WDR64: variants seen among roughly 807,000 people sequenced by gnomAD.
The protein encoded by WDR64 is WD repeat domain 64, also known as WD repeat-containing protein 64.
WDR64 carries 112 observed loss-of-function variants against 139.3 expected under a neutral mutation model. The observed-to-expected ratio is 0.80, with a 90% CI of 0.69 to 0.94. WDR64 has a LOEUF of 0.94. WDR64 is among the 40% of genes least tolerant of loss of function. WDR64 has a pLI of 0.00. For synonymous variants in WDR64, 444 were observed against 437.7 expected, an observed-to-expected ratio of 1.01 and a Z score of -0.18; for missense variants, 1,206 against 1,293.1, an observed-to-expected ratio of 0.93 and a Z score of 1.03.
At chr1:241,747,007 C>T (rs1014151780) in intron 13 of WDR64, among the ~76,000 whole-genome samples, 4 of 152,128 alleles carry the variant, frequency 2.6e-5, no homozygotes, top group Non-Finnish European at 4.4e-5. Flanking sequence ...ATGATCTGCC[C>T]GCTTTGGCAT....
At chr1:241,783,242 C>T (rs550316879) in intron 22 of WDR64, 30 bp from the exon 23 acceptor site, 95 of 1,574,862 alleles carry the variant, frequency 6.0e-5, no homozygotes, top group Non-Finnish European at 7.7e-5. Context: ...ATAGTTATTC[C>T]GAGGAATATG....
intron 19 of WDR64, 148 bp downstream of exon 19, chr1:241,771,845 A>G: frequency 3.2e-6 from 1 of 309,634 alleles, no homozygotes; most frequent in Non-Finnish European, 5.5e-6. Flanking sequence ...TATATTCATT[A>G]TATACGTATA....
At chr1:241,731,494 T>G (rs972614744) in intron 10 of WDR64, among the ~76,000 whole-genome samples, 8 of 152,204 alleles carry the variant, frequency 5.3e-5, no homozygotes, top group Admixed American at 3.9e-4. Flanking sequence ...GTGTGATAAC[T>G]AAGGCTCAGA....
At chr1:241,761,851 C>T (rs1031587854) in intron 15 of WDR64, among the ~76,000 whole-genome samples, 4 of 152,152 alleles carry the variant, frequency 2.6e-5, no homozygotes, top group Non-Finnish European at 5.9e-5. Flanking sequence ...CAAGTTTTAT[C>T]GTGAGATTGC....
At chr1:241,746,677 T>C (rs1209526442) in intron 13 of WDR64, among the ~76,000 whole-genome samples, 1 of 152,066 alleles carries the variant, frequency 6.6e-6, no homozygotes, top group Non-Finnish European at 1.5e-5. Context: ...AAGCTAGTTA[T>C]ATTTGCATCA....
At chr1:241,734,597 T>A (rs10926556) in intron 10 of WDR64, among the ~76,000 whole-genome samples, 23,988 of 152,048 alleles carry the variant, frequency 0.16, 2,213 homozygotes, top group East Asian at 0.29. Context: ...ACAGAGAATA[T>A]GACCAAAAAC....
chr1:241,729,642 C>T (rs1278959398), intron 10 of WDR64, among the ~76,000 whole-genome samples: 2 of 152,182 alleles, frequency 1.3e-5, no homozygotes, highest in Non-Finnish European at 2.9e-5. Flanking sequence ...AATATCATGT[C>T]ATGCCCAAAG....
rs1363994892 is a variant in WDR64 at position 241,674,932 on chromosome 1, C to CCTTTT, written c.483+187_483+188insTTTCT. ...TTATTCCTTCCTTCCTTCTTTCCTTCCTCCCTCCCTCCTTCCTTCCTCTCT... is the reference window on the plus strand; with the variant it reads ...TTATTCCTTCCTTCCTTCTTTCCTTCCTTTTCTCCCTCCCTCCTTCCTTCCTCTCT... On this transcript the variant is annotated intron_variant, in intron 4 of 27. Transcript: ENST00000437684. Among the ~76,000 whole-genome samples the CCTTTT allele has an allele frequency of 9.2e-5, 5 of 54,452 alleles. 2 individuals are homozygous for CCTTTT. The highest frequency in any genetic ancestry group is 1.3e-4 in the Non-Finnish European group (3 of 23,162). 35.7% of individuals were successfully genotyped at this position (54,452 alleles called of 152,430 possible).
At chr1:241,754,320 C>CTTTTTTTTTTTTTTTTT (rs71174845) in intron 14 of WDR64, among the ~76,000 whole-genome samples, 2 of 81,846 alleles carry the variant, frequency 2.4e-5, no homozygotes, top group Non-Finnish European at 4.7e-5. Flanking sequence ...TTTTCTTTTT[C>CTTTTTTTTTTTTTTTTT]TTTTTTTTTT....
At position 241,674,658 on chromosome 1, in the gene WDR64, G is replaced by A; in HGVS notation, c.394G>A (p.Asp132Asn). Residue 132 changes from aspartate to asparagine, a missense_variant, in exon 4 of 28, where the codon GAT becomes AAT. Asp to Asn is a conservative substitution (Grantham distance 23). Transcript: ENST00000437684. ...RILISGSRRR[D>N]VIKSIVKIPH... ...GCTGTTGACAGGTAGTAGAAGACGA[G>A]ATGTGATTAAGAGCATTGTCAAGAT... 6.5e-7 allele frequency: 1 copy of A among 1,547,922 alleles called. No homozygotes were observed. Among genetic ancestry groups the A allele is most frequent in the Non-Finnish European group, 8.7e-7 (1 of 1,144,368 alleles).
chr1:241,729,323 T>C (rs759293110), intron 10 of WDR64, among the ~76,000 whole-genome samples: 11 of 152,178 alleles, frequency 7.2e-5, no homozygotes, highest in Admixed American at 3.9e-4. Flanking sequence ...TTCAGTTTCT[T>C]CTCTCCCCAA....
intron 23 of WDR64, among the ~76,000 whole-genome samples, 155 bp downstream of exon 23, chr1:241,783,536 A>G (rs899454209): frequency 3.9e-5 from 6 of 152,220 alleles, no homozygotes; most frequent in African/African-American, 1.2e-4. Context: ...CTTTGAAAAG[A>G]TGGCCACTGA....
chr1:241,784,976 A>AAG (rs138513526), intron 23 of WDR64, among the ~76,000 whole-genome samples: 1,473 of 98,246 alleles, frequency 0.015, 136 homozygotes, highest in African/African-American at 0.026. Flanking sequence ...AAAAAAAAAA[A>AAG]GAAAGGACAT....
At chr1:241,756,635 A>T (rs1268494058) in intron 14 of WDR64, among the ~76,000 whole-genome samples, 1 of 152,208 alleles carries the variant, frequency 6.6e-6, no homozygotes, top group African/African-American at 2.4e-5. Context: ...AAGAAAGGGA[A>T]ACTCTCCTCT....
In WDR64 at chr1:241,675,013, CTTTCTTCTTCCT is replaced by C. The variant is rs1558465851; in HGVS notation, c.483+268_483+279del. ...CCTTTCTCCCTCCCTCTCTTCCTTC[CTTTCTTCTTCCT>C]TCCCTCCCTCCTTCTTCTTTCCTTC... On this transcript the variant is annotated intron_variant, in intron 4 of 27. Coordinates refer to ENST00000437684, the MANE Select transcript of WDR64 (RefSeq NM_001367482.1). Among the ~76,000 whole-genome samples the C allele has an allele frequency of 6.9e-3, 289 of 42,168 alleles. 41 individuals are homozygous for C. Among genetic ancestry groups the C allele is most frequent in the Middle Eastern group, 0.016 (1 of 62 alleles). 27.7% of individuals were successfully genotyped at this position (42,168 alleles called of 152,430 possible).
chr1:241,720,989 G>T (rs566917980), intron 9 of WDR64, among the ~76,000 whole-genome samples: 6 of 152,182 alleles, frequency 3.9e-5, no homozygotes, highest in African/African-American at 1.4e-4. Context: ...TAAGAAAAGA[G>T]ACCAATTTCA....
Position 241,796,354 on chromosome 1 carries a change from A to G in WDR64, c.3176A>G (p.His1059Arg). The part of the protein sequence containing the change: ...DGITGKKKGG[H>R]VQREKAPRRR... ...ATTACAGGAAAGAAGAAGGGAGGTC[A>G]TGTTCAACGTGAAAAAGTAAGTTAG... Residue 1059 changes from histidine to arginine, a missense_variant, in exon 27 of 28, where the codon CAT becomes CGT. By Grantham distance (29) the His-to-Arg change is conservative. Coordinates refer to ENST00000437684, the MANE Select transcript of WDR64 (RefSeq NM_001367482.1). 1 of 1,612,838 alleles carries G rather than the reference A, an allele frequency of 6.2e-7. No homozygotes were observed. Among genetic ancestry groups the G allele is most frequent in the Non-Finnish European group, 8.5e-7 (1 of 1,179,106 alleles).
chr1:241,674,610 CT>C (rs1239666933), intron 3 of WDR64, 33 bp from the exon 4 acceptor site: 4 of 1,405,682 alleles, frequency 2.8e-6, no homozygotes, highest in Non-Finnish European at 3.9e-6. Flanking sequence ...ACCTTTACTG[CT>C]GAAAGTTGAA....
rs946665874 is a variant in WDR64 at position 241,726,044 on chromosome 1, CT to C, written c.1194+2621del. ...ATTTTTATTTTTTGTAGAGAGCTCTCTTTTTTTTTTTTTAGGTCTGTCTAAT... is the reference window on the plus strand; with the variant it reads ...ATTTTTATTTTTTGTAGAGAGCTCTCTTTTTTTTTTTTAGGTCTGTCTAAT... On this transcript the variant is annotated intron_variant, in intron 10 of 27. Coordinates refer to ENST00000437684, the MANE Select transcript of WDR64 (RefSeq NM_001367482.1). Among the ~76,000 whole-genome samples, 682 of 117,334 alleles carry C rather than the reference CT, an allele frequency of 5.8e-3. 3 individuals are homozygous for C. The highest frequency in any genetic ancestry group is 0.016 in the African/African-American group (565 of 35,236). The allele number at this position is 117,334 out of a possible 152,430, so 77.0% of individuals were successfully genotyped here. A position where few individuals can be genotyped will look rare whatever the true frequency, so the allele number is the denominator to read the frequency against.
Sources: gnomAD v4.1 joint callset for allele counts (sites outside exome capture counted in the v4.1 genomes callset) on GRCh38, gnomAD v4.1.1 for gene constraint, MANE v1.5 for transcripts, NCBI Gene and HGNC (gene_info 2026-07-23, HGNC 2026-07-21) for gene names.